RGSL1: variants seen among roughly 807,000 people sequenced by gnomAD.
RGSL1 encodes the protein regulator of G protein signaling like 1.
A neutral mutation model predicts 124.7 loss-of-function variants in RGSL1; 97 were observed. That is an observed-to-expected ratio of 0.78 (90% CI 0.66 to 0.92). The LOEUF (loss-of-function observed/expected upper bound fraction) is 0.92, where lower values mean the gene tolerates loss of function less well. RGSL1 is among the 40% of genes least tolerant of loss of function. RGSL1 has a pLI of 0.00. For missense variants in RGSL1, 1,233 were observed against 1,288.4 expected (o/e 0.96, Z 0.66); for synonymous variants, 424 against 438.1 (o/e 0.97, Z 0.40).
intron 10 of RGSL1, among the ~76,000 whole-genome samples, chr1:182,527,143 G>A (rs1318035650): frequency 2.0e-5 from 3 of 151,978 alleles, no homozygotes; most frequent in Non-Finnish European, 4.4e-5. Context: ...AAAGAATAGA[G>A]GATTAAAGAT....
chr1:182,521,036 C>T (rs1658295518), intron 9 of RGSL1, among the ~76,000 whole-genome samples: 2 of 152,092 alleles, frequency 1.3e-5, no homozygotes, highest in Non-Finnish European at 2.9e-5. Flanking sequence ...TCCATGAAAT[C>T]TATTGTTCTT....
At chr1:182,544,566 G>A (rs1205875469) in intron 15 of RGSL1, among the ~76,000 whole-genome samples, 1 of 150,554 alleles carries the variant, frequency 6.6e-6, no homozygotes, top group Non-Finnish European at 1.5e-5. Context: ...CTATCTGGAT[G>A]ATCTGTCCAT....
intron 9 of RGSL1, among the ~76,000 whole-genome samples, chr1:182,501,320 T>C (rs1343015441): frequency 1.3e-4 from 14 of 111,874 alleles, no homozygotes; most frequent in African/African-American, 3.8e-4. Context: ...TTTTTTTTTT[T>C]TTTTTTTTTT....
At chr1:182,450,368 G>C (rs1156246129) in intron 1 of RGSL1, 190 bp downstream of exon 1, 3 of 691,280 alleles carry the variant, frequency 4.3e-6, no homozygotes, top group African/African-American at 3.5e-5. Flanking sequence ...CCAGATCTTT[G>C]AGGATAGTAC....
intron 1 of RGSL1, among the ~76,000 whole-genome samples, chr1:182,452,082 A>C (rs1651887973): frequency 6.6e-6 from 1 of 152,084 alleles, no homozygotes; most frequent in Non-Finnish European, 1.5e-5. Flanking sequence ...AGGATTAGAT[A>C]ATTTATTGAA....
At chr1:182,523,601 A>G (rs1658518490) in intron 10 of RGSL1, among the ~76,000 whole-genome samples, 1 of 152,210 alleles carries the variant, frequency 6.6e-6, no homozygotes, top group African/African-American at 2.4e-5. Flanking sequence ...TAGAAGACAT[A>G]TCAGGGTCAT....
Position 182,548,711 on chromosome 1 carries a change from T to C in RGSL1, c.2820T>C (p.Pro940=). 3 of 1,551,608 alleles carry C rather than the reference T, an allele frequency of 1.9e-6. No individual in the cohort carries two copies. The highest frequency in any genetic ancestry group is 2.6e-6 in the Non-Finnish European group (3 of 1,146,952). Residue 940 remains proline (P), a synonymous_variant, in exon 17 of 22, where the codon CCT becomes CCC. Transcript: ENST00000294854. ...CACTCTGTGGGTAGGTGAATGTCCC[T>C]GAGTTCCAGAAGGATGCCATCCTTG... ...DIPPKLRVNV[P]EFQKDAILAA...
At chr1:182,537,727 T>C (rs1381105692) in intron 14 of RGSL1, among the ~76,000 whole-genome samples, 4 of 152,190 alleles carry the variant, frequency 2.6e-5, no homozygotes, top group African/African-American at 4.8e-5. Flanking sequence ...TGAGTTTTTC[T>C]AGTCTCTCGG....
chr1:182,516,081 C>G lies in RGSL1; in HGVS notation c.1826-5923C>G, dbSNP rs546747285. 3.2e-3 allele frequency among the ~76,000 whole-genome samples: 489 copies of G among 152,308 alleles called. 1 individual carries two copies. The highest frequency in any genetic ancestry group is 5.2e-3 in the Admixed American group (80 of 15,302). ...GGAGTTCAGTCTTGGGGTCTTCCAG[C>G]AACAAATAATGCCTTTGTTGCCCCA... is the stretch of plus-strand genomic sequence containing the variant. On this transcript the variant is annotated intron_variant, in intron 9 of 21. Transcript: ENST00000294854.
chr1:182,507,619 C>T (rs1468948876), intron 9 of RGSL1, among the ~76,000 whole-genome samples: 1 of 152,088 alleles, frequency 6.6e-6, no homozygotes, highest in Non-Finnish European at 1.5e-5. Flanking sequence ...TTTTCTTTAT[C>T]CATTCATCTT....
chr1:182,457,872 G>C (rs1652474250), intron 2 of RGSL1, among the ~76,000 whole-genome samples: 1 of 152,160 alleles, frequency 6.6e-6, no homozygotes, highest in Non-Finnish European at 1.5e-5. Flanking sequence ...TGTATCCCCA[G>C]TCTCCACATC....
intron 13 of RGSL1, 145 bp downstream of exon 13, chr1:182,531,055 T>TATACTAGTTGA: frequency 1.1e-6 from 1 of 950,314 alleles, no homozygotes; most frequent in Non-Finnish European, 1.5e-6. Flanking sequence ...GTCCCTCTCT[T>TATACTAGTTGA]CTCTACCTGT....
At chr1:182,450,614 G>A (rs1251463965) in intron 1 of RGSL1, 2 of 229,314 alleles carry the variant, frequency 8.7e-6, no homozygotes, top group Non-Finnish European at 1.8e-5. Context: ...ATGAGAGGAT[G>A]AGGAAGGGAA....
At chr1:182,511,394 C>T (rs1003689905) in intron 9 of RGSL1, among the ~76,000 whole-genome samples, 3 of 152,162 alleles carry the variant, frequency 2.0e-5, no homozygotes, top group African/African-American at 7.2e-5. Context: ...AAACTCCCGA[C>T]CTCAGGTGAT....
chr1:182,560,000 C>T (rs573411824), intron 21 of RGSL1, among the ~76,000 whole-genome samples: 15 of 152,220 alleles, frequency 9.9e-5, no homozygotes, highest in Non-Finnish European at 2.1e-4. Flanking sequence ...CCTTACCTAG[C>T]ACAGTGACAT....
chr1:182,492,715 G>A lies in RGSL1; in HGVS notation c.1718-307G>A, dbSNP rs532695010. ...CCAATCTCGGCTCACTACAAGCTCCGCCTCCCAGGTTCACACCATTCTCCT... is the reference window on the plus strand; with the variant it reads ...CCAATCTCGGCTCACTACAAGCTCCACCTCCCAGGTTCACACCATTCTCCT... On this transcript the variant is annotated intron_variant, in intron 8 of 21. Coordinates refer to ENST00000294854, the MANE Select transcript of RGSL1 (RefSeq NM_001137669.2). Among the ~76,000 whole-genome samples, 24 of 149,690 alleles carry A rather than the reference G, an allele frequency of 1.6e-4. No homozygotes were observed. In the South Asian group the frequency reaches 3.2e-3, roughly 20 times the overall value.
chr1:182,490,332 T>C (rs937553353), intron 8 of RGSL1, among the ~76,000 whole-genome samples: 4 of 152,234 alleles, frequency 2.6e-5, no homozygotes, highest in South Asian at 2.1e-4. Context: ...TAATGGCCCC[T>C]AATTTGTTCA....
intron 9 of RGSL1, among the ~76,000 whole-genome samples, chr1:182,512,705 T>C (rs2102203623): frequency 6.6e-6 from 1 of 152,294 alleles, no homozygotes; most frequent in South Asian, 2.1e-4. Context: ...CCAGCAAGAA[T>C]CAGGTCACAA....
chr1:182,475,497 C>A (rs1654219817), intron 6 of RGSL1, among the ~76,000 whole-genome samples: 1 of 152,116 alleles, frequency 6.6e-6, no homozygotes, highest in Non-Finnish European at 1.5e-5. Flanking sequence ...AAGGGCAGGG[C>A]ACCTTTGTCA....
Sources: allele counts gnomAD v4.1 joint callset (sites outside exome capture counted in the v4.1 genomes callset), GRCh38; gene constraint gnomAD v4.1.1; transcripts MANE v1.5; gene names NCBI Gene and HGNC (gene_info 2026-07-23, HGNC 2026-07-21).